The following ADAM19 variants were observed in gnomAD, a reference collection of about 807,000 sequenced individuals.
ADAM19 encodes disintegrin and metalloproteinase domain-containing protein 19.
In ADAM19, 65 loss-of-function variants were observed where a neutral mutation model predicts 114.7. That is an observed-to-expected ratio of 0.57 (90% CI 0.46 to 0.70). ADAM19 has a LOEUF of 0.70. Ranked by LOEUF, ADAM19 falls within the 30% of genes least tolerant of loss-of-function variation. The pLI is 0.00. For missense variants in ADAM19, 1,063 were observed against 1,204.7 expected (o/e 0.88, Z 1.74); for synonymous variants, 466 against 460.5 (o/e 1.01, Z -0.15).
At chr5:157,575,542 C>T in intron 1 of ADAM19, 61 bp downstream of exon 1, 1 of 1,287,670 alleles carries the variant, frequency 7.8e-7, no homozygotes, top group Non-Finnish European at 1.0e-6. Context: ...TCCGGACCCG[C>T]AAGGCTACTC....
chr5:157,542,146 G>C (rs1247395775), intron 3 of ADAM19, among the ~76,000 whole-genome samples: 1 of 151,982 alleles, frequency 6.6e-6, no homozygotes, highest in Non-Finnish European at 1.5e-5. Context: ...TAGTAATAAT[G>C]TTCTCACCAT....
intron 20 of ADAM19, among the ~76,000 whole-genome samples, chr5:157,488,802 C>A (rs377480211): frequency 6.6e-5 from 10 of 152,220 alleles, no homozygotes; most frequent in African/African-American, 2.4e-4. Context: ...GAGGCCGAGG[C>A]GGGTGGATCA....
Position 157,480,949 on chromosome 5 carries a change from C to G in ADAM19, c.2757G>C (p.Ter919TyrextTer67). 1 of 1,614,050 alleles carries G rather than the reference C, an allele frequency of 6.2e-7. No homozygotes were observed. The change falls in exon 23 of 23, where the codon TAG (stop) becomes TAC (tyrosine). Residue 919 changes from the stop codon to tyrosine (Y), a stop_lost. Transcript: ENST00000257527. ...AAAGGGAGAAGCCCCTTGGACAGGTCTAGATTTTCGAGCTAATCATCCCTC... is the reference window on the plus strand; with the variant it reads ...AAAGGGAGAAGCCCCTTGGACAGGTGTAGATTTTCGAGCTAATCATCCCTC... ...RAGGMISSKI[*>Y] is the part of the protein sequence containing the mutation.
chr5:157,516,826 C>T (rs1159681000), intron 7 of ADAM19, among the ~76,000 whole-genome samples: 2 of 152,124 alleles, frequency 1.3e-5, no homozygotes, highest in Non-Finnish European at 2.9e-5. Flanking sequence ...TCTCCTCCCA[C>T]GACTATGGAG....
chr5:157,481,615 A>C (rs998084339), intron 22 of ADAM19, 176 bp downstream of exon 22: 1 of 1,543,912 alleles, frequency 6.5e-7, no homozygotes, highest in Admixed American at 2.0e-5. Context: ...CATGAAGCCA[A>C]AACTCCACAG....
At chr5:157,516,168 C>T (rs116610855) in intron 7 of ADAM19, among the ~76,000 whole-genome samples, 1 of 152,120 alleles carries the variant, frequency 6.6e-6, no homozygotes, top group Non-Finnish European at 1.5e-5. Context: ...GGGGATGATT[C>T]GTGAGCCTGT....
chr5:157,521,552 C>G (rs560907981), intron 5 of ADAM19, among the ~76,000 whole-genome samples: 1 of 152,214 alleles, frequency 6.6e-6, no homozygotes, highest in Non-Finnish European at 1.5e-5. Context: ...GCGCCAGGCT[C>G]TGATGGGCAG....
intron 8 of ADAM19, among the ~76,000 whole-genome samples, chr5:157,510,282 C>T (rs1164256234): frequency 6.6e-6 from 1 of 152,172 alleles, no homozygotes; most frequent in Non-Finnish European, 1.5e-5. Flanking sequence ...CGAGACCAGC[C>T]TGACCAACAT....
intron 3 of ADAM19, among the ~76,000 whole-genome samples, chr5:157,552,173 A>C (rs1164385574): frequency 6.6e-6 from 1 of 151,794 alleles, no homozygotes; most frequent in Non-Finnish European, 1.5e-5. Context: ...AAAGCAAAAC[A>C]AAAAAAACCG....
intron 21 of ADAM19, among the ~76,000 whole-genome samples, chr5:157,487,679 G>A (rs1706081151): frequency 1.3e-5 from 2 of 152,100 alleles, no homozygotes; most frequent in African/African-American, 4.8e-5. Flanking sequence ...GGAGAGTCTA[G>A]ACCCCACTCT....
chr5:157,535,919 T>C (rs1240437564), intron 4 of ADAM19, among the ~76,000 whole-genome samples: 1 of 152,200 alleles, frequency 6.6e-6, no homozygotes, highest in Non-Finnish European at 1.5e-5. Context: ...TTTCTAGGCA[T>C]GCCTGTTCCC....
chr5:157,530,949 A>C, intron 4 of ADAM19, 66 bp from the exon 5 acceptor site: 821 of 1,338,932 alleles, frequency 6.1e-4, no homozygotes, highest in Non-Finnish European at 8.1e-4. Flanking sequence ...TTAATATCTC[A>C]GGATGGTCAT....
intron 1 of ADAM19, among the ~76,000 whole-genome samples, chr5:157,573,511 C>T (rs1177510819): frequency 1.3e-5 from 2 of 152,100 alleles, no homozygotes; most frequent in Non-Finnish European, 1.5e-5. Flanking sequence ...TTTAGGAGGC[C>T]GAGGCGGGCG....
intron 3 of ADAM19, among the ~76,000 whole-genome samples, chr5:157,550,932 C>T (rs150039170): frequency 1.3e-5 from 2 of 152,306 alleles, no homozygotes; most frequent in African/African-American, 4.8e-5. Context: ...TAATTTTTCA[C>T]TATAAGAAGC....
chr5:157,508,666 C>T (rs997427533), intron 9 of ADAM19, among the ~76,000 whole-genome samples: 6 of 152,022 alleles, frequency 3.9e-5, no homozygotes, highest in Non-Finnish European at 8.8e-5. Context: ...GTTGTAACTG[C>T]CTCAAAATAC....
intron 1 of ADAM19, 46 bp from the exon 2 acceptor site, chr5:157,571,026 C>T (rs780875629): frequency 6.4e-6 from 10 of 1,555,900 alleles, no homozygotes; most frequent in Non-Finnish European, 8.8e-6. Flanking sequence ...GACCTCTATA[C>T]CCCAGCTAAG....
At position 157,480,874 on chromosome 5, in the gene ADAM19, T is replaced by C. The variant is rs1754723943; in HGVS notation, c.*75A>G. ...GCTCAGAGGCGGCCAGACATGCTTC[T>C]TCAGGGTTCCATGGCCATGGGTCCT... On this transcript the variant is annotated 3_prime_UTR_variant, in exon 23 of 23. Transcript: ENST00000257527. The C allele has an allele frequency of 7.5e-6, 12 of 1,607,628 alleles. No individual in the cohort carries two copies. Among genetic ancestry groups the C allele is most frequent in the Non-Finnish European group, 1.0e-5 (12 of 1,177,486 alleles).
At chr5:157,482,207 A>G (rs771720699) in intron 21 of ADAM19, among the ~76,000 whole-genome samples, 87 of 152,218 alleles carry the variant, frequency 5.7e-4, no homozygotes, top group Admixed American at 1.5e-3. Context: ...TCTTCTTTTG[A>G]GAAGTGTCTG....
At chr5:157,575,434 G>A (rs763427089) in intron 1 of ADAM19, among the ~76,000 whole-genome samples, 169 bp downstream of exon 1, 4 of 152,234 alleles carry the variant, frequency 2.6e-5, no homozygotes, top group Non-Finnish European at 4.4e-5. Flanking sequence ...CTCCCAGGGC[G>A]CAGAACGTGG....
Sources: allele counts gnomAD v4.1 joint callset (sites outside exome capture counted in the v4.1 genomes callset), GRCh38; gene constraint gnomAD v4.1.1; transcripts MANE v1.5; gene names NCBI Gene and HGNC (gene_info 2026-07-23, HGNC 2026-07-21).